SSH2: variants seen among roughly 807,000 people sequenced by gnomAD.
SSH2 encodes slingshot protein phosphatase 2.
Under a neutral mutation model 135.2 loss-of-function variants are expected in SSH2, and 37 were observed. The observed-to-expected ratio is 0.27, with a 90% CI of 0.21 to 0.36. SSH2 has a LOEUF of 0.36. Ranked by LOEUF, SSH2 falls within the 10% of genes least tolerant of loss-of-function variation. The pLI, the probability that SSH2 is intolerant of heterozygous loss-of-function variation, is 1.00. For synonymous variants in SSH2, 628 were observed against 646.2 expected (o/e 0.97, Z 0.43); for missense variants, 1,408 against 1,765.3 (o/e 0.80, Z 3.63).
intron 11 of SSH2, among the ~76,000 whole-genome samples, chr17:29,666,537 G>T (rs1163735906): frequency 6.6e-6 from 1 of 152,002 alleles, no homozygotes; most frequent in Non-Finnish European, 1.5e-5. Flanking sequence ...ACAAAAATTA[G>T]CTGGGTGTGG....
intron 3 of SSH2, among the ~76,000 whole-genome samples, chr17:29,772,246 CTT>C (rs373494083): frequency 2.5e-4 from 34 of 136,362 alleles, no homozygotes; most frequent in African/African-American, 2.4e-4. Flanking sequence ...AAAATCAGGT[CTT>C]TTTTTTTTTT....
chr17:29,788,655 CCTCT>C (rs1200362089), intron 3 of SSH2, among the ~76,000 whole-genome samples: 2 of 151,336 alleles, frequency 1.3e-5, no homozygotes, highest in African/African-American at 2.4e-5. Context: ...TCCCTCTCTC[CCTCT>C]CTCTATATAT....
At chr17:29,640,459 G>A (rs941200291) in intron 14 of SSH2, among the ~76,000 whole-genome samples, 3 of 152,204 alleles carry the variant, frequency 2.0e-5, no homozygotes, top group Non-Finnish European at 4.4e-5. Flanking sequence ...CTAATAGGCA[G>A]CAACAGTGCA....
intron 3 of SSH2, among the ~76,000 whole-genome samples, chr17:29,755,172 TG>T (rs1486788384): frequency 1.3e-5 from 2 of 152,224 alleles, no homozygotes; most frequent in African/African-American, 4.8e-5. Context: ...TTCAGCTTTT[TG>T]TTTTACTAAA....
intron 3 of SSH2, among the ~76,000 whole-genome samples, chr17:29,732,521 G>T (rs566064236): frequency 1.9e-3 from 291 of 152,262 alleles, no homozygotes; most frequent in Non-Finnish European, 3.6e-3. Context: ...AAACTGAGCA[G>T]CTGGAAAGAG....
chr17:29,719,897 C>T (rs1567913268), intron 3 of SSH2, among the ~76,000 whole-genome samples: 1 of 152,196 alleles, frequency 6.6e-6, no homozygotes, highest in African/African-American at 2.4e-5. Context: ...GCTGGGATTA[C>T]AGGCACCTGC....
At chr17:29,775,482 G>A (rs1283128612) in intron 3 of SSH2, among the ~76,000 whole-genome samples, 1 of 152,024 alleles carries the variant, frequency 6.6e-6, no homozygotes, top group Non-Finnish European at 1.5e-5. Flanking sequence ...AAATAATACA[G>A]TTCTAGAACA....
At position 29,842,474 on chromosome 17, in the gene SSH2, TC is replaced by T. The variant is rs1390588584; in HGVS notation, c.144+6374del. Reference sequence around the variant, plus strand: ...GTGTCAAAAAAAAAAAAAAAAAAGATCATCAGGTGATTCTAATGGGCAGCCA... The same window carrying T: ...GTGTCAAAAAAAAAAAAAAAAAAGATATCAGGTGATTCTAATGGGCAGCCA... On this transcript the variant is annotated intron_variant, in intron 2 of 15. Transcript: ENST00000540801. Among the ~76,000 whole-genome samples, 14 of 144,924 alleles carry T rather than the reference TC, an allele frequency of 9.7e-5. 1 individual carries two copies. Among genetic ancestry groups the T allele is most frequent in the Admixed American group, 1.4e-4 (2 of 14,488 alleles).
rs1053877469 is a variant in SSH2, at chr17:29,626,819, T to C, written c.*4022A>G. On this transcript the variant is annotated 3_prime_UTR_variant, in exon 16 of 16. Transcript: ENST00000540801. ...GTGTCTAATACATGCCTTGATCTTT[T>C]AGTTTGGAAGGGAAAACAAAGTCCA... The C allele has an allele frequency of 6.5e-6, 1 of 152,672 alleles. No individual in the cohort carries two copies. The highest frequency in any genetic ancestry group is 2.4e-5 in the African/African-American group (1 of 41,466). 9.5% of individuals were successfully genotyped at this position (152,672 alleles called of 1,614,324 possible).
chr17:29,794,224 G>A (rs2042120517), intron 2 of SSH2, among the ~76,000 whole-genome samples: 1 of 152,102 alleles, frequency 6.6e-6, no homozygotes, highest in South Asian at 2.1e-4. Flanking sequence ...AACTAAACAT[G>A]TTATTTTACT....
intron 1 of SSH2, among the ~76,000 whole-genome samples, chr17:29,904,099 T>C (rs144340443): frequency 2.0e-5 from 3 of 152,254 alleles, no homozygotes; most frequent in Non-Finnish European, 4.4e-5. Flanking sequence ...CCATTCCTAC[T>C]GAAACTATTC....
intron 2 of SSH2, among the ~76,000 whole-genome samples, chr17:29,800,996 G>A (rs145170464): frequency 4.1e-4 from 63 of 151,844 alleles, no homozygotes; most frequent in Middle Eastern, 3.4e-3. Context: ...CTCCCGAGTA[G>A]CTGGGATTAC....
At chr17:29,715,299 G>A (rs1440250973) in intron 3 of SSH2, among the ~76,000 whole-genome samples, 1 of 150,808 alleles carries the variant, frequency 6.6e-6, no homozygotes, top group Admixed American at 6.6e-5. Flanking sequence ...AGGCTGGAGT[G>A]CAGTGGCGTG....
At chr17:29,852,158 C>T (rs897819302) in intron 1 of SSH2, among the ~76,000 whole-genome samples, 5 of 151,426 alleles carry the variant, frequency 3.3e-5, no homozygotes, top group African/African-American at 4.9e-5. Context: ...GGTGCTCAAT[C>T]GTAATCCCAG....
rs554116011 is a variant in SSH2, at chr17:29,632,709, G to A, written c.2485C>T (p.His829Tyr). 17 of 1,614,132 alleles carry A rather than the reference G, an allele frequency of 1.1e-5. No individual in the cohort carries two copies. The highest frequency in any genetic ancestry group is 4.5e-5 in the East Asian group (2 of 44,878). The stretch of plus-strand genomic sequence containing the variant: ...CAGGAGTCCTCATCTTGCTCCATAT[G>A]TCCAGGTTTGTTCTCTGGAGTCTGG... Reference protein sequence around the residue: ...RAQTPENKPGHMEQDEDSCTA... With the variant: ...RAQTPENKPGYMEQDEDSCTA... Residue 829 changes from histidine to tyrosine, a missense_variant, in exon 16 of 16, where the codon CAT (histidine) becomes TAT (tyrosine). Around this residue, in one of 3 missense-constraint regions of SSH2, gnomAD observed 1,080 missense variants for 1,144.5 expected, o/e 0.94. Coordinates refer to ENST00000540801, the MANE Select transcript of SSH2 (RefSeq NM_001282129.2).
intron 3 of SSH2, among the ~76,000 whole-genome samples, chr17:29,724,281 C>T (rs1215763279): frequency 6.6e-6 from 1 of 152,204 alleles, no homozygotes; most frequent in Admixed American, 6.5e-5. Flanking sequence ...GTAATCCCAG[C>T]ACTTCGGGAG....
In SSH2 at chr17:29,818,249, C is replaced by CT. The variant is rs1230051948; in HGVS notation, c.145-24313dup. 1.8e-3 allele frequency among the ~76,000 whole-genome samples: 243 copies of CT among 133,972 alleles called. 1 individual carries two copies. The highest frequency in any genetic ancestry group is 0.015 in the East Asian group (70 of 4,660). The allele number at this position is 133,972 out of a possible 152,430, so 87.9% of individuals were successfully genotyped here. On this transcript the variant is annotated intron_variant, in intron 2 of 15. Transcript: ENST00000540801. ...GTTGAATCTACCATGGGTATTCTTC[C>CT]TTTTTTTTTTTTTTTAAGAGATGGA...
At chr17:29,795,826 C>T (rs1006559560) in intron 2 of SSH2, among the ~76,000 whole-genome samples, 2 of 152,250 alleles carry the variant, frequency 1.3e-5, no homozygotes, top group South Asian at 4.2e-4. Flanking sequence ...ACTGCAACCT[C>T]CACCTCCCAG....
At chr17:29,761,887 A>ATAT (rs1189981277) in intron 3 of SSH2, among the ~76,000 whole-genome samples, 5 of 143,602 alleles carry the variant, frequency 3.5e-5, no homozygotes, top group Middle Eastern at 3.3e-3. Flanking sequence ...ATATATATAT[A>ATAT]TTTTTTTTTG....
Sources: gnomAD v4.1 joint callset for allele counts (sites outside exome capture counted in the v4.1 genomes callset) on GRCh38, gnomAD v4.1.1 for gene constraint, gnomAD v4.1.1 regional missense constraint, MANE v1.5 for transcripts, NCBI Gene and HGNC (gene_info 2026-07-23, HGNC 2026-07-21) for gene names.